The following MAPK8IP3 variants were observed in gnomAD, a reference collection of about 807,000 sequenced individuals.
MAPK8IP3 encodes the protein mitogen-activated protein kinase 8 interacting protein 3.
MAPK8IP3 carries 49 observed loss-of-function variants against 157.8 expected under a neutral mutation model. The ratio of observed to expected loss-of-function variants is 0.31; its 90% confidence interval spans 0.25 to 0.39. The LOEUF (loss-of-function observed/expected upper bound fraction) is 0.39, where lower values mean the gene tolerates loss of function less well. MAPK8IP3 is among the 10% of genes least tolerant of loss of function. The pLI is 1.00. For missense variants in MAPK8IP3, 1,478 were observed against 1,889.4 expected (o/e 0.78, Z 4.04); for synonymous variants, 897 against 777.7 (o/e 1.15, Z -2.55).
At chr16:1,745,263 G>A (rs1246665877) in intron 5 of MAPK8IP3, 16 of 821,050 alleles carry the variant, frequency 1.9e-5, no homozygotes, top group East Asian at 1.2e-4. Flanking sequence ...GCCCAGAAGC[G>A]TTTGTCTGAT....
In MAPK8IP3 at chr16:1,764,313, G is replaced by A. The variant is rs1308276051; in HGVS notation, c.2134G>A (p.Ala712Thr). Residue 712 changes from alanine to threonine, a missense_variant, in exon 19 of 32, where the codon GCG (alanine) becomes ACG (threonine). By Grantham distance (58) the Ala-to-Thr change is moderately conservative (BLOSUM62 0). This residue lies in a region of MAPK8IP3 where 669 missense variants were observed against 759.8 expected (regional missense o/e 0.88). Transcript: ENST00000610761. ...KDPTMKLWCA[A>T]GVNLSGWRPN... ...CCTGCCCTTGCAGCTGTGGTGTGCCGCGGGCGTCAACCTGAGCGGGTGGAG... is the reference window on the plus strand; with the variant it reads ...CCTGCCCTTGCAGCTGTGGTGTGCCACGGGCGTCAACCTGAGCGGGTGGAG... The A allele has an allele frequency of 8.2e-6, 13 of 1,576,774 alleles. No individual in the cohort carries two copies. The highest frequency in any genetic ancestry group is 1.0e-5 in the Non-Finnish European group (12 of 1,162,480).
chr16:1,768,158 C>G (rs538038349), intron 29 of MAPK8IP3, 41 bp from the exon 30 acceptor site: 2 of 1,612,060 alleles, frequency 1.2e-6, no homozygotes, highest in Non-Finnish European at 8.5e-7. Flanking sequence ...CCACTCTCCA[C>G]CTGTATGCGG....
intron 4 of MAPK8IP3, among the ~76,000 whole-genome samples, chr16:1,732,440 G>C (rs2039374900): frequency 6.6e-6 from 1 of 152,266 alleles, no homozygotes; most frequent in South Asian, 2.1e-4. Flanking sequence ...TACAGAAGAA[G>C]CTGTCAGACT....
Position 1,743,664 on chromosome 16 carries a change from T to C in MAPK8IP3, c.747+188T>C, listed in dbSNP as rs1026334993. The C allele has an allele frequency of 3.5e-6, 5 of 1,423,804 alleles. No individual in the cohort carries two copies. The highest frequency in any genetic ancestry group is 6.3e-5 in the Admixed American group (2 of 31,788). The allele number at this position is 1,423,804 out of a possible 1,614,324, so 88.2% of individuals were successfully genotyped here. ...GGGGCTCAGGCTGCCCAGCAGGCCC[T>C]GTGTGGCTGTGGCTGTTCCACGCGG... On this transcript the variant is annotated intron_variant, in intron 5 of 31. Coordinates refer to ENST00000610761, the MANE Select transcript of MAPK8IP3 (RefSeq NM_001318852.2). The surrounding 1 kb of genome is among the most constrained non-coding windows in gnomAD (Gnocchi z 5.6).
chr16:1,748,532 GTC>G (rs2041106113), intron 7 of MAPK8IP3, 68 bp from the exon 8 acceptor site: 2 of 1,332,838 alleles, frequency 1.5e-6, no homozygotes, highest in East Asian at 2.3e-5. Context: ...TGTTGGAAGA[GTC>G]TGCAGACGCA....
intron 1 of MAPK8IP3, among the ~76,000 whole-genome samples, chr16:1,719,508 C>T (rs889045832): frequency 2.0e-5 from 3 of 151,862 alleles, no homozygotes; most frequent in African/African-American, 7.3e-5. Flanking sequence ...ACCACAACAC[C>T]AGTTTAAAAA....
At chr16:1,717,235 CAA>C (rs1169533483) in intron 1 of MAPK8IP3, among the ~76,000 whole-genome samples, 9 of 60,370 alleles carry the variant, frequency 1.5e-4, no homozygotes, top group Admixed American at 3.9e-4. Flanking sequence ...AACTCCATCT[CAA>C]AAAAAAAAAA....
intron 8 of MAPK8IP3, among the ~76,000 whole-genome samples, chr16:1,750,536 T>A (rs1489359162): frequency 2.0e-5 from 3 of 151,828 alleles, no homozygotes; most frequent in Non-Finnish European, 2.9e-5. Context: ...TTTTAGCTAT[T>A]TTTTTTATTT....
Position 1,724,159 on chromosome 16 carries a change from T to C in MAPK8IP3, c.319-398T>C, listed in dbSNP as rs1049836169. 1.3e-5 allele frequency among the ~76,000 whole-genome samples: 2 copies of C among 152,182 alleles called. No homozygotes were observed. The highest frequency in any genetic ancestry group is 2.4e-5 in the African/African-American group (1 of 41,460). ...AAACACAGGGCTCTATGTTCAAAAA[T>C]TAGCAACATTTCAAGATGGCAGCAG... is the stretch of plus-strand genomic sequence containing the variant. On this transcript the variant is annotated intron_variant, in intron 1 of 31. Coordinates refer to ENST00000610761, the MANE Select transcript of MAPK8IP3 (RefSeq NM_001318852.2). This position sits in a 1 kb window ranked among gnomAD's most constrained non-coding sequence, Gnocchi z 4.1.
intron 19 of MAPK8IP3, among the ~76,000 whole-genome samples, 169 bp from the exon 20 acceptor site, chr16:1,764,844 G>A (rs1166572664): frequency 6.6e-6 from 1 of 152,200 alleles, no homozygotes. Flanking sequence ...GAGTGCTTTA[G>A]AGTGCAGTCC....
chr16:1,719,994 A>G (rs957520359), intron 1 of MAPK8IP3, among the ~76,000 whole-genome samples: 30 of 152,344 alleles, frequency 2.0e-4, no homozygotes, highest in Admixed American at 7.8e-4. Flanking sequence ...CTCAGAGAGC[A>G]GGAAGCCAGC....
chr16:1,738,578 G>C (rs868727908), intron 4 of MAPK8IP3, among the ~76,000 whole-genome samples: 3 of 141,050 alleles, frequency 2.1e-5, no homozygotes, highest in African/African-American at 8.1e-5. Context: ...ATCCGTGTGA[G>C]TGTGACCATC....
At chr16:1,737,278 CCG>C (rs2040025596) in intron 4 of MAPK8IP3, among the ~76,000 whole-genome samples, 1 of 87,150 alleles carries the variant, frequency 1.1e-5, no homozygotes, top group African/African-American at 5.3e-5. Flanking sequence ...GTGTGAGCGT[CCG>C]TGTGAGTGTG....
intron 2 of MAPK8IP3, 78 bp from the exon 3 acceptor site, chr16:1,729,060 C>A: frequency 1.5e-6 from 2 of 1,376,562 alleles, no homozygotes; most frequent in Admixed American, 1.7e-5. Context: ...GAACCCCCTC[C>A]CTCTGTGGTT....
chr16:1,720,633 A>T (rs191067177), intron 1 of MAPK8IP3, among the ~76,000 whole-genome samples: 6 of 152,258 alleles, frequency 3.9e-5, no homozygotes, highest in Non-Finnish European at 2.9e-5. Flanking sequence ...ATAATTTAAA[A>T]TTTTTTCTGT....
chr16:1,754,465 G>C (rs1173729976), intron 8 of MAPK8IP3, among the ~76,000 whole-genome samples: 1 of 152,024 alleles, frequency 6.6e-6, no homozygotes. Context: ...CGATGTAGTA[G>C]CCAGATGTAG....
Position 1,764,356 on chromosome 16 carries a change from C to T in MAPK8IP3, c.2177C>T (p.Ala726Val). 6.3e-7 allele frequency: 1 copy of T among 1,582,852 alleles called. No homozygotes were observed. The highest frequency in any genetic ancestry group is 1.3e-5 in the African/African-American group (1 of 74,452). Residue 726 changes from alanine (A) to valine (V), a missense_variant, in exon 19 of 32, where the codon GCT becomes GTT. Ala to Val is a moderately conservative substitution (Grantham distance 64). Transcript: ENST00000610761. ...LSGWRPNEDD[A>V]GNGVKPAPGR... ...GGGTGGAGGCCCAATGAGGACGACG[C>T]TGGGAATGGAGTCAAGCCAGCGCCA...
intron 8 of MAPK8IP3, among the ~76,000 whole-genome samples, chr16:1,754,758 CAA>C (rs35088243): frequency 1.2e-3 from 128 of 104,050 alleles, no homozygotes; most frequent in Middle Eastern, 5.6e-3. Context: ...GACTCCGTCT[CAA>C]AAAAAAAAAA....
intron 1 of MAPK8IP3, among the ~76,000 whole-genome samples, chr16:1,712,963 A>G (rs2037891155): frequency 6.6e-6 from 1 of 152,222 alleles, no homozygotes; most frequent in South Asian, 2.1e-4. Context: ...CCTTTGGTTC[A>G]TTCAGCCTGA....
Sources: allele counts gnomAD v4.1 joint callset (sites outside exome capture counted in the v4.1 genomes callset), GRCh38; gene constraint gnomAD v4.1.1; regional missense constraint gnomAD v4.1.1; non-coding constraint Gnocchi (gnomAD v3.1); transcripts MANE v1.5; gene names NCBI Gene and HGNC (gene_info 2026-07-23, HGNC 2026-07-21).